The following POLDIP2 variants were observed in gnomAD, a reference collection of about 807,000 sequenced individuals.
POLDIP2 encodes the protein DNA polymerase delta interacting protein 2.
POLDIP2 carries 32 observed loss-of-function variants against 52.9 expected under a neutral mutation model. The ratio of observed to expected loss-of-function variants is 0.61; its 90% CI spans 0.46 to 0.81. POLDIP2 has a LOEUF of 0.81. Among genes scored for constraint, POLDIP2 ranks in the 40% least tolerant of loss-of-function variants. POLDIP2 has a pLI of 0.00. For missense variants in POLDIP2, 371 were observed against 477.3 expected (o/e 0.78, Z 2.07); for synonymous variants, 183 against 183.0 (o/e 1.00, Z 0.00).
intron 2 of POLDIP2, among the ~76,000 whole-genome samples, chr17:28,355,078 CA>C (rs1447605949): frequency 6.6e-6 from 1 of 152,232 alleles, no homozygotes; most frequent in African/African-American, 2.4e-5. Flanking sequence ...AAAAGAACCA[CA>C]CATCCAGAGT....
In POLDIP2 at chr17:28,354,591, A is replaced by G; in HGVS notation, c.244-6T>C. Reference sequence around the variant, plus strand: ...AAAATGCTATGAAGGAAAAGCTGGAAGGAAAGAGGGGCCTCAGTGAGTCTG... The same window carrying G: ...AAAATGCTATGAAGGAAAAGCTGGAGGGAAAGAGGGGCCTCAGTGAGTCTG... On this transcript the variant is annotated splice_region_variant and splice_polypyrimidine_tract_variant and intron_variant, in intron 2 of 10. Coordinates refer to ENST00000540200, the MANE Select transcript of POLDIP2 (RefSeq NM_015584.5). 1 of 1,546,618 alleles carries G rather than the reference A, an allele frequency of 6.5e-7. No individual in the cohort carries two copies. The highest frequency in any genetic ancestry group is 8.8e-7 in the Non-Finnish European group (1 of 1,141,666).
At position 28,357,423 on chromosome 17, in the gene POLDIP2, G is replaced by A. The variant is rs782573776; in HGVS notation, c.26C>T (p.Ala9Val). MAACTARRALAVGSRWWSR... is the reference protein window; with the variant it reads MAACTARRVLAVGSRWWSR... The stretch of plus-strand genomic sequence containing the variant: ...CCACCAGCGGCTGCCCACGGCCAGG[G>A]CCCGCCGGGCTGTACAGGCTGCCAT... Residue 9 changes from alanine to valine, a missense_variant, in exon 1 of 11, where the codon GCC becomes GTC. By Grantham distance (64) the Ala-to-Val change is moderately conservative. Coordinates refer to ENST00000540200, the MANE Select transcript of POLDIP2 (RefSeq NM_015584.5). The A allele has an allele frequency of 6.0e-6, 9 of 1,497,816 alleles. No individual in the cohort carries two copies. The highest frequency in any genetic ancestry group is 1.5e-5 in the African/African-American group (1 of 68,856). 92.8% of individuals were successfully genotyped at this position (1,497,816 alleles called of 1,614,324 possible). A position where few individuals can be genotyped will look rare whatever the true frequency, so the allele number is the denominator to read the frequency against.
At chr17:28,353,629 G>T in intron 4 of POLDIP2, 66 bp downstream of exon 4, 1 of 1,112,644 alleles carries the variant, frequency 9.0e-7, no homozygotes, top group Non-Finnish European at 1.4e-6. Context: ...CCCTCCCTTT[G>T]TCCCCATTGG....
chr17:28,348,935 G>T, intron 10 of POLDIP2, 148 bp downstream of exon 10: 1 of 567,592 alleles, frequency 1.8e-6, no homozygotes, highest in Non-Finnish European at 3.1e-6. Flanking sequence ...AATCAGACAA[G>T]TCCCACACAA....
Position 28,353,030 on chromosome 17 carries a change from G to C in POLDIP2, c.515-11C>G. 1.1e-6 allele frequency: 1 copy of C among 910,814 alleles called. No homozygotes were observed. The highest frequency in any genetic ancestry group is 1.9e-6 in the Non-Finnish European group (1 of 537,978). The allele number at this position is 910,814 out of a possible 1,614,324, so 56.4% of individuals were successfully genotyped here. Reference sequence around the variant, plus strand: ...TGACATAGTCCAAGCCTGGCACAGAGATGCAAAAGACAGTGGTGAAACTCA... The same window carrying C: ...TGACATAGTCCAAGCCTGGCACAGACATGCAAAAGACAGTGGTGAAACTCA... On this transcript the variant is annotated splice_polypyrimidine_tract_variant and intron_variant, in intron 5 of 10. Coordinates refer to ENST00000540200, the MANE Select transcript of POLDIP2 (RefSeq NM_015584.5).
chr17:28,357,518 G>A lies in POLDIP2; in HGVS notation c.-70C>T. 3.4e-6 allele frequency: 5 copies of A among 1,466,600 alleles called. No homozygotes were observed. The highest frequency in any genetic ancestry group is 4.5e-6 in the Non-Finnish European group (5 of 1,113,584). The allele number at this position is 1,466,600 out of a possible 1,614,324, so 90.8% of individuals were successfully genotyped here. On this transcript the variant is annotated 5_prime_UTR_variant, in exon 1 of 11. Transcript: ENST00000540200. Reference sequence around the variant, plus strand: ...CGCGGCCGGGCGGCGTTCCGCCCCAGTCCCACACTGCCCCGCGCGGCGTCC... The same window carrying A: ...CGCGGCCGGGCGGCGTTCCGCCCCAATCCCACACTGCCCCGCGCGGCGTCC...
At chr17:28,353,502 C>T (rs542579480) in intron 4 of POLDIP2, among the ~76,000 whole-genome samples, 186 bp from the exon 5 acceptor site, 2 of 35,034 alleles carry the variant, frequency 5.7e-5, no homozygotes, top group Admixed American at 7.4e-4. Flanking sequence ...AGCCTGGCGA[C>T]AGAGTGAGAC....
chr17:28,355,703 A>T, intron 2 of POLDIP2, 92 bp downstream of exon 2: 1 of 757,140 alleles, frequency 1.3e-6, no homozygotes, highest in Non-Finnish European at 2.3e-6. Context: ...AATGAATGGA[A>T]CACCATACCA....
chr17:28,349,234 C>T lies in POLDIP2; in HGVS notation c.913-72G>A. The T allele has an allele frequency of 2.8e-6, 3 of 1,078,418 alleles. No individual in the cohort carries two copies. In the South Asian group the frequency reaches 4.2e-5, roughly 15 times the overall value. 66.8% of individuals were successfully genotyped at this position (1,078,418 alleles called of 1,614,324 possible). A position where few individuals can be genotyped will look rare whatever the true frequency, so the allele number is the denominator to read the frequency against. On this transcript the variant is annotated intron_variant, in intron 9 of 10. Transcript: ENST00000540200. ...GTTTCCTGCACCCCAGGGTTACATG[C>T]TGACTGCCAGTTCATCAAGACTGGA...
At chr17:28,350,930 G>A (rs2142394979) in intron 7 of POLDIP2, 138 bp from the exon 8 acceptor site, 4 of 756,940 alleles carry the variant, frequency 5.3e-6, no homozygotes, top group African/African-American at 5.1e-5. Flanking sequence ...GGATAAGGGT[G>A]ATAGCTGAAC....
chr17:28,354,481 A>C lies in POLDIP2; in HGVS notation c.341+7T>G. 1.3e-6 allele frequency: 2 copies of C among 1,546,636 alleles called. No homozygotes were observed. Among genetic ancestry groups the C allele is most frequent in the Non-Finnish European group, 1.8e-6 (2 of 1,142,010 alleles). ...ATACTGTGAGGCACAACCACAGGGA[A>C]ACTTACTTTTCTGGAGCTGCAGAAG... is the stretch of plus-strand genomic sequence containing the variant. On this transcript the variant is annotated splice_region_variant and intron_variant, in intron 3 of 10. Transcript: ENST00000540200.
At position 28,353,778 on chromosome 17, in the gene POLDIP2, C is replaced by G; in HGVS notation, c.355G>C (p.Ala119Pro). ...SAAPEKAENP[A>P]GHGSKEVKGK... ...TTCACCTCCTTGGAGCCATGGCCAG[C>G]AGGGTTCTCTGCTCTATGGGGTGGG... Residue 119 changes from alanine (A) to proline (P), a missense_variant, in exon 4 of 11, where the codon GCT becomes CCT. Physicochemically the swap from Ala to Pro is conservative, Grantham distance 27. Coordinates refer to ENST00000540200, the MANE Select transcript of POLDIP2 (RefSeq NM_015584.5). 1 of 1,612,494 alleles carries G rather than the reference C, an allele frequency of 6.2e-7. No homozygotes were observed.
Position 28,348,068 on chromosome 17 carries a change from A to C in POLDIP2, c.*49T>G, listed in dbSNP as rs1350194805. ...AGTTCTGCAGCAATTGTGGGATGAG[A>C]GTTGTTCTTCCCGGTGACCAAGCCT... On this transcript the variant is annotated 3_prime_UTR_variant, in exon 11 of 11. Coordinates refer to ENST00000540200, the MANE Select transcript of POLDIP2 (RefSeq NM_015584.5). The C allele has an allele frequency of 9.7e-7, 1 of 1,029,308 alleles. No homozygotes were observed. Among genetic ancestry groups the C allele is most frequent in the African/African-American group, 1.6e-5 (1 of 63,472 alleles). 63.8% of individuals were successfully genotyped at this position (1,029,308 alleles called of 1,614,324 possible).
chr17:28,347,899 T>C lies in POLDIP2; in HGVS notation c.*218A>G. 1.9e-6 allele frequency: 1 copy of C among 530,934 alleles called. No homozygotes were observed. The highest frequency in any genetic ancestry group is 3.4e-6 in the Non-Finnish European group (1 of 297,876). 32.9% of individuals were successfully genotyped at this position (530,934 alleles called of 1,614,324 possible). Reference sequence around the variant, plus strand: ...CTTGGTGGAGAGGTTTACTGGAACATGGTGTAGGCAGGGCTTATGAGGAGG... The same window carrying C: ...CTTGGTGGAGAGGTTTACTGGAACACGGTGTAGGCAGGGCTTATGAGGAGG... On this transcript the variant is annotated 3_prime_UTR_variant, in exon 11 of 11. Transcript: ENST00000540200.
chr17:28,357,222 C>A, intron 1 of POLDIP2, 66 bp downstream of exon 1: 1 of 1,435,676 alleles, frequency 7.0e-7, no homozygotes, highest in South Asian at 1.3e-5. Flanking sequence ...GGCCTCCGCA[C>A]TGGCTAGGAA....
At chr17:28,350,335 A>T in intron 9 of POLDIP2, 103 bp downstream of exon 9, 2 of 1,037,864 alleles carry the variant, frequency 1.9e-6, no homozygotes, top group Non-Finnish European at 1.3e-6. Context: ...CAATGTATTC[A>T]CAAAGTGAGC....
intron 8 of POLDIP2, 30 bp from the exon 9 acceptor site, chr17:28,350,593 A>G (rs782166239): frequency 3.2e-5 from 51 of 1,599,952 alleles, no homozygotes; most frequent in Non-Finnish European, 3.8e-5. Context: ...GAGAGTTTAA[A>G]AAAAATAAAA....
intron 7 of POLDIP2, among the ~76,000 whole-genome samples, chr17:28,351,321 A>T (rs1410305609): frequency 6.6e-6 from 1 of 152,242 alleles, no homozygotes; most frequent in African/African-American, 2.4e-5. Flanking sequence ...GCTTACAGCC[A>T]GGCGATGTGT....
At chr17:28,352,798 C>T (rs964302072) in intron 6 of POLDIP2, 114 bp downstream of exon 6, 15 of 660,246 alleles carry the variant, frequency 2.3e-5, no homozygotes, top group Non-Finnish European at 3.7e-5. Flanking sequence ...CTGGGCCTCC[C>T]AAAGTGCTGG....
Sources: gnomAD v4.1 joint callset for allele counts (sites outside exome capture counted in the v4.1 genomes callset) on GRCh38, gnomAD v4.1.1 for gene constraint, MANE v1.5 for transcripts, NCBI Gene and HGNC (gene_info 2026-07-23, HGNC 2026-07-21) for gene names.